Variants in SEC16B observed in about 807,000 individuals in gnomAD.
SEC16B encodes the protein protein transport protein Sec16B.
In SEC16B, 115 loss-of-function variants were observed where a neutral mutation model predicts 141.8. The ratio of observed to expected loss-of-function variants is 0.81; its 90% CI spans 0.70 to 0.95. The LOEUF is 0.95. Ranked by LOEUF, SEC16B falls within the 40% of genes least tolerant of loss-of-function variation. The pLI is 0.00. For synonymous variants in SEC16B, 493 were observed against 492.5 expected (o/e 1.00, Z -0.01); for missense variants, 1,291 against 1,312.3 (o/e 0.98, Z 0.25).
intron 19 of SEC16B, among the ~76,000 whole-genome samples, chr1:177,936,782 C>G (rs190237401): frequency 6.6e-6 from 1 of 152,136 alleles, no homozygotes; most frequent in Non-Finnish European, 1.5e-5. Context: ...CCCTTGTTGT[C>G]GAAGGTCTGA....
chr1:177,961,635 G>C lies in SEC16B; in HGVS notation c.742C>G (p.Arg248Gly). The change falls in exon 6 of 26, where the codon CGG (arginine) becomes GGG (glycine). Residue 248 changes from arginine (R) to glycine (G), a missense_variant. Transcript: ENST00000308284. ...GCTGCTGAAGCTGGGGGATCATCCC[G>C]CTCCGGGGCATCTCTGATGTACTGA... is the stretch of plus-strand genomic sequence containing the variant. ...LSQYIRDAPE[R>G]DDPPASAAWS... 2 of 1,613,860 alleles carry C rather than the reference G, an allele frequency of 1.2e-6. No individual in the cohort carries two copies. Among genetic ancestry groups the C allele is most frequent in the Non-Finnish European group, 1.7e-6 (2 of 1,179,868 alleles).
At chr1:177,944,462 C>T (rs1651517484) in intron 15 of SEC16B, 99 bp downstream of exon 15, 2 of 868,486 alleles carry the variant, frequency 2.3e-6, no homozygotes, top group African/African-American at 3.4e-5. Flanking sequence ...CAGTAGATAA[C>T]TTAGCCCCAG....
chr1:177,960,281 TG>T, intron 8 of SEC16B, 60 bp downstream of exon 8: 1 of 1,083,450 alleles, frequency 9.2e-7, no homozygotes, highest in Non-Finnish European at 1.4e-6. Context: ...AATGCTGATC[TG>T]GGCAGGAAGA....
At chr1:177,931,978 G>A (rs1051222937) in intron 24 of SEC16B, among the ~76,000 whole-genome samples, 2 of 150,726 alleles carry the variant, frequency 1.3e-5, no homozygotes, top group Non-Finnish European at 2.9e-5. Context: ...GTTGAACTGT[G>A]TTCCCAGAAA....
At chr1:177,972,940 T>A (rs1654021534), upstream of SEC16B, among the ~76,000 whole-genome samples, 1 of 152,174 alleles carries the variant, frequency 6.6e-6, no homozygotes, top group African/African-American at 2.4e-5. Flanking sequence ...AAGATGGCCA[T>A]CTGCAAACCA....
intron 24 of SEC16B, among the ~76,000 whole-genome samples, chr1:177,932,051 A>T (rs1650456584): frequency 6.6e-6 from 1 of 152,224 alleles, no homozygotes; most frequent in South Asian, 2.1e-4. Context: ...GTTTGGAGAA[A>T]CATAAAAATA....
At position 177,964,178 on chromosome 1, in the gene SEC16B, T is replaced by G. The variant is rs777919670; in HGVS notation, c.635A>C (p.Lys212Thr). The stretch of plus-strand genomic sequence containing the variant: ...CACGTCACTTTAGGTTACCTTATTT[T>G]TCTGGGCCTCAGCAAGCAGGCTCCC... ...FPGSLLAEAQ[K>T]NKPSLASESN... Residue 212 changes from lysine to threonine, a missense_variant, in exon 5 of 26, where the codon AAA becomes ACA. Lys to Thr is a moderately conservative substitution (Grantham distance 78). This residue lies in a region of SEC16B where 681 missense variants were observed against 675.5 expected (regional missense o/e 1.01). Transcript: ENST00000308284. 6.2e-7 allele frequency: 1 copy of G among 1,612,332 alleles called. No individual in the cohort carries two copies. The highest frequency in any genetic ancestry group is 8.5e-7 in the Non-Finnish European group (1 of 1,179,020).
intron 1 of SEC16B, among the ~76,000 whole-genome samples, chr1:177,982,234 G>A (rs906156479): frequency 1.3e-5 from 2 of 152,176 alleles, no homozygotes; most frequent in Non-Finnish European, 2.9e-5. Context: ...CTCATTGGCT[G>A]GTTTGGTGGG....
chr1:177,968,068 A>G (rs1164896197), intron 1 of SEC16B, 29 bp from the exon 2 acceptor site: 3 of 1,331,976 alleles, frequency 2.3e-6, no homozygotes, highest in African/African-American at 1.5e-5. Flanking sequence ...GGAAAAAATC[A>G]TCACTTGAAG....
At chr1:177,949,072 A>G (rs1002874367) in intron 12 of SEC16B, among the ~76,000 whole-genome samples, 1 of 152,190 alleles carries the variant, frequency 6.6e-6, no homozygotes, top group African/African-American at 2.4e-5. Flanking sequence ...AAAACCATTC[A>G]TAATTACTTG....
intron 1 of SEC16B, among the ~76,000 whole-genome samples, chr1:177,978,547 A>G (rs1654269660): frequency 6.6e-6 from 1 of 152,090 alleles, no homozygotes; most frequent in African/African-American, 2.4e-5. Flanking sequence ...TCTACAAAAA[A>G]GAAAAAATTA....
At position 177,958,174 on chromosome 1, in the gene SEC16B, G is replaced by A. The variant is rs766710754; in HGVS notation, c.1323C>T (p.Ile441=). The part of the protein sequence containing the change: ...IPPSVETPAQ[I]VEKFTRLLYY... Reference sequence around the variant, plus strand: ...AGAGCAGCCTAGTGAATTTCTCCACGATCTGCGCAGGTGTCTCCACACTGG... The same window carrying A: ...AGAGCAGCCTAGTGAATTTCTCCACAATCTGCGCAGGTGTCTCCACACTGG... Residue 441 remains isoleucine, a synonymous_variant, in exon 10 of 26, where the codon ATC becomes ATT. Coordinates refer to ENST00000308284, the MANE Select transcript of SEC16B (RefSeq NM_033127.4). 2.8e-5 allele frequency: 44 copies of A among 1,564,494 alleles called. No homozygotes were observed. Among genetic ancestry groups the A allele is most frequent in the Non-Finnish European group, 3.5e-5 (40 of 1,153,286 alleles).
intron 11 of SEC16B, among the ~76,000 whole-genome samples, chr1:177,953,028 C>T (rs998343540): frequency 7.9e-5 from 11 of 138,484 alleles, no homozygotes; most frequent in Non-Finnish European, 1.5e-4. Context: ...TTTTTGAGAC[C>T]GAGTTTTGCT....
chr1:177,937,168 C>G, intron 19 of SEC16B, 46 bp downstream of exon 19: 1 of 1,554,884 alleles, frequency 6.4e-7, no homozygotes, highest in Non-Finnish European at 8.7e-7. Context: ...TTCCTCCCCA[C>G]CCAGACCCTA....
chr1:177,933,642 A>G lies in SEC16B; in HGVS notation c.2572-6T>C. On this transcript the variant is annotated splice_region_variant and splice_polypyrimidine_tract_variant and intron_variant, in intron 20 of 25. Transcript: ENST00000308284. ...GGTCTAGCAGCCAATGGTGTCTGGA[A>G]TTAAAGAAATAACTCACATTTGCAT... 4 of 1,613,808 alleles carry G rather than the reference A, an allele frequency of 2.5e-6. No individual in the cohort carries two copies. The highest frequency in any genetic ancestry group is 3.4e-6 in the Non-Finnish European group (4 of 1,179,768).
intron 1 of SEC16B, among the ~76,000 whole-genome samples, chr1:177,980,211 G>A (rs1240056584): frequency 2.0e-5 from 3 of 152,062 alleles, no homozygotes; most frequent in Admixed American, 6.6e-5. Context: ...TCCTAGTGCT[G>A]ATCTAGATGT....
chr1:177,972,407 T>C (rs1399468564), upstream of SEC16B, among the ~76,000 whole-genome samples: 1 of 152,176 alleles, frequency 6.6e-6, no homozygotes, highest in Non-Finnish European at 1.5e-5. Context: ...TTGACCCAGT[T>C]TGACAATACA....
chr1:177,961,875 T>C (rs1653093861), intron 5 of SEC16B, 141 bp from the exon 6 acceptor site: 1 of 825,256 alleles, frequency 1.2e-6, no homozygotes, highest in African/African-American at 1.7e-5. Flanking sequence ...TGATAGGCAT[T>C]TGCCAAAGGA....
upstream of SEC16B, among the ~76,000 whole-genome samples, chr1:177,970,478 C>A (rs562201498): frequency 1.3e-5 from 2 of 152,212 alleles, no homozygotes; most frequent in African/African-American, 4.8e-5. Context: ...TCAATATTAT[C>A]TTTTCCTTCC....
Sources: gnomAD v4.1 joint callset for allele counts (sites outside exome capture counted in the v4.1 genomes callset) on GRCh38, gnomAD v4.1.1 for gene constraint, gnomAD v4.1.1 regional missense constraint, MANE v1.5 for transcripts, NCBI Gene and HGNC (gene_info 2026-07-23, HGNC 2026-07-21) for gene names.